The following MSI2 variants were observed in gnomAD, a reference collection of about 807,000 sequenced individuals.
The protein encoded by MSI2 is musashi RNA binding protein 2.
In MSI2, 17 loss-of-function variants were observed where a neutral mutation model predicts 45.6. The observed-to-expected ratio is 0.37, with a 90% CI of 0.26 to 0.56. The LOEUF (loss-of-function observed/expected upper bound fraction) is 0.56. MSI2 is among the 20% of genes least tolerant of loss of function. The pLI, the probability that MSI2 is intolerant of heterozygous loss-of-function variation, is 0.77. For missense variants in MSI2, 293 were observed against 444.2 expected (o/e 0.66, Z 3.06); for synonymous variants, 156 against 158.2 (o/e 0.99, Z 0.11).
chr17:57,541,768 C>T (rs1447369990), intron 7 of MSI2, among the ~76,000 whole-genome samples: 1 of 152,192 alleles, frequency 6.6e-6, no homozygotes, highest in Non-Finnish European at 1.5e-5. Context: ...ATAAAAATCA[C>T]TGCCATGATT....
intron 7 of MSI2, among the ~76,000 whole-genome samples, chr17:57,567,241 G>A (rs1307898454): frequency 2.0e-5 from 3 of 152,138 alleles, no homozygotes; most frequent in African/African-American, 7.2e-5. Flanking sequence ...CGCTCCTTTT[G>A]TATCTCGTGA....
intron 7 of MSI2, among the ~76,000 whole-genome samples, chr17:57,544,154 G>T (rs1479795128): frequency 1.3e-5 from 2 of 152,138 alleles, no homozygotes; most frequent in African/African-American, 2.4e-5. Context: ...AGGGTGCAAG[G>T]CACATTTGAA....
intron 5 of MSI2, among the ~76,000 whole-genome samples, chr17:57,285,445 C>G (rs969640075): frequency 2.6e-5 from 4 of 152,208 alleles, no homozygotes; most frequent in African/African-American, 9.6e-5. Flanking sequence ...TTGCGGTTTT[C>G]CATTTTCACG....
chr17:57,602,268 G>C (rs1016761348), intron 8 of MSI2, among the ~76,000 whole-genome samples: 4 of 151,812 alleles, frequency 2.6e-5, no homozygotes, highest in African/African-American at 9.7e-5. Context: ...TTTTATGTGC[G>C]GCTGAAGACA....
chr17:57,679,597 C>T lies in MSI2; in HGVS notation c.*80C>T. Reference sequence around the variant, plus strand: ...GACTGGGCGAAGTTTCTGAGTGGCCCTTTGTTTAGGTGATGTCCTCAGACC... The same window carrying T: ...GACTGGGCGAAGTTTCTGAGTGGCCTTTTGTTTAGGTGATGTCCTCAGACC... On this transcript the variant is annotated 3_prime_UTR_variant, in exon 14 of 14. Coordinates refer to ENST00000284073, the MANE Select transcript of MSI2 (RefSeq NM_138962.4). 9.4e-7 allele frequency: 1 copy of T among 1,062,586 alleles called. No homozygotes were observed. The highest frequency in any genetic ancestry group is 1.6e-5 in the African/African-American group (1 of 61,030). The allele number at this position is 1,062,586 out of a possible 1,614,324, so 65.8% of individuals were successfully genotyped here.
intron 6 of MSI2, among the ~76,000 whole-genome samples, chr17:57,502,636 T>TATATATATATATAGAGAG: frequency 4.0e-4 from 39 of 96,920 alleles, no homozygotes; most frequent in Non-Finnish European, 7.5e-4. Flanking sequence ...TATATATATA[T>TATATATATATATAGAGAG]AGTCATCATT....
At chr17:57,492,981 A>C (rs543408740) in intron 6 of MSI2, among the ~76,000 whole-genome samples, 2 of 152,270 alleles carry the variant, frequency 1.3e-5, no homozygotes, top group African/African-American at 4.8e-5. Flanking sequence ...GAATTCGTTA[A>C]AACAGAGTGA....
chr17:57,433,898 A>T (rs1304324180), intron 6 of MSI2, among the ~76,000 whole-genome samples: 1 of 152,096 alleles, frequency 6.6e-6, no homozygotes, highest in Non-Finnish European at 1.5e-5. Flanking sequence ...TTTTAATTTA[A>T]TTTTTGGTGG....
At chr17:57,593,550 C>T (rs527675726) in intron 7 of MSI2, among the ~76,000 whole-genome samples, 1 of 152,234 alleles carries the variant, frequency 6.6e-6, no homozygotes, top group Non-Finnish European at 1.5e-5. Context: ...GGACACCTGT[C>T]GTTGGATTTA....
At chr17:57,543,816 G>A (rs976625315) in intron 7 of MSI2, among the ~76,000 whole-genome samples, 3 of 152,162 alleles carry the variant, frequency 2.0e-5, no homozygotes, top group Non-Finnish European at 2.9e-5. Flanking sequence ...TTACAGCAGA[G>A]ATATGTGTAT....
intron 7 of MSI2, among the ~76,000 whole-genome samples, chr17:57,531,305 T>G (rs2086817002): frequency 1.3e-5 from 2 of 152,196 alleles, no homozygotes; most frequent in Admixed American, 1.3e-4. Flanking sequence ...TCATAGAACC[T>G]CCTCACAGGA....
intron 7 of MSI2, among the ~76,000 whole-genome samples, chr17:57,556,050 T>A (rs1427752374): frequency 1.3e-5 from 2 of 152,248 alleles, no homozygotes; most frequent in African/African-American, 4.8e-5. Context: ...TAAATTTCTT[T>A]TATGCTGATA....
chr17:57,376,321 G>A (rs1324901309), intron 5 of MSI2, among the ~76,000 whole-genome samples: 1 of 152,170 alleles, frequency 6.6e-6, no homozygotes, highest in African/African-American at 2.4e-5. Flanking sequence ...GAAGAGTCTT[G>A]CTCAGGGCCA....
At chr17:57,516,856 T>G (rs1297003763) in intron 6 of MSI2, among the ~76,000 whole-genome samples, 3 of 152,208 alleles carry the variant, frequency 2.0e-5, no homozygotes, top group African/African-American at 7.2e-5. Context: ...CAAGTTTCTT[T>G]TATTCTGTAA....
chr17:57,438,989 A>G (rs1009564897), intron 6 of MSI2, among the ~76,000 whole-genome samples: 13 of 152,086 alleles, frequency 8.5e-5, no homozygotes, highest in African/African-American at 3.1e-4. Flanking sequence ...TTTAGTAGAA[A>G]TGGAGTTTCA....
downstream of MSI2, among the ~76,000 whole-genome samples, chr17:57,688,671 T>C (rs148931943): frequency 2.0e-3 from 306 of 152,218 alleles, no homozygotes; most frequent in Non-Finnish European, 3.4e-3. Context: ...TAAAACTACA[T>C]ATGTATATAT....
intron 5 of MSI2, among the ~76,000 whole-genome samples, chr17:57,389,280 CT>C (rs2083743634): frequency 6.6e-6 from 1 of 152,162 alleles, no homozygotes; most frequent in Non-Finnish European, 1.5e-5. Flanking sequence ...CCCGAGCCCC[CT>C]GCTCTTCTTT....
intron 8 of MSI2, among the ~76,000 whole-genome samples, chr17:57,603,480 G>A (rs1906152092): frequency 6.6e-6 from 1 of 152,228 alleles, no homozygotes; most frequent in African/African-American, 2.4e-5. Flanking sequence ...AGAAGGTTGA[G>A]GATGGCTGCC....
At chr17:57,641,252 G>A (rs955261612) in intron 10 of MSI2, among the ~76,000 whole-genome samples, 9 of 152,166 alleles carry the variant, frequency 5.9e-5, no homozygotes, top group Admixed American at 5.9e-4. Context: ...GCTAGTGATG[G>A]GGCCAAAGTA....
Sources: gnomAD v4.1 joint callset for allele counts (sites outside exome capture counted in the v4.1 genomes callset) on GRCh38, gnomAD v4.1.1 for gene constraint, MANE v1.5 for transcripts, NCBI Gene and HGNC (gene_info 2026-07-23, HGNC 2026-07-21) for gene names.